AIFM3: variants seen among roughly 807,000 people sequenced by gnomAD.
AIFM3 encodes AIF family member 3.
In AIFM3, 71 loss-of-function variants were observed where a neutral mutation model predicts 82.7. The ratio of observed to expected loss-of-function variants is 0.86; its 90% CI spans 0.71 to 1.05. AIFM3 has a LOEUF of 1.05. AIFM3 is among the 50% of genes least tolerant of loss of function. The pLI, the probability that AIFM3 is intolerant of heterozygous loss-of-function variation, is 0.00. For missense variants in AIFM3, 748 were observed against 816.7 expected (o/e 0.92, Z 1.03); for synonymous variants, 337 against 329.1 (o/e 1.02, Z -0.26).
chr22:20,971,342 C>G (rs951840430), intron 2 of AIFM3, among the ~76,000 whole-genome samples: 2 of 152,242 alleles, frequency 1.3e-5, no homozygotes, highest in African/African-American at 2.4e-5. Context: ...CTGCATCCTC[C>G]CTGCTGGGCT....
intron 2 of AIFM3, among the ~76,000 whole-genome samples, chr22:20,970,832 G>A (rs926916980): frequency 2.6e-5 from 4 of 152,186 alleles, no homozygotes; most frequent in Admixed American, 2.6e-4. Context: ...TGAACTCCTG[G>A]ACTCAAGCGA....
Position 20,967,850 on chromosome 22 carries a change from GC to G in AIFM3, c.-93del. On this transcript the variant is annotated 5_prime_UTR_variant, in exon 2 of 21. An upstream open reading frame in the 5' UTR loses its in-frame stop. Coordinates refer to ENST00000440238, the MANE Select transcript of AIFM3 (RefSeq NM_001386814.1). ...GGATGGCGGCTCCAGCGTCTCTAAG[GC>G]CTGCAGGGGGTCCAGCCCCATGGGG... 7.2e-7 allele frequency: 1 copy of G among 1,392,126 alleles called. No individual in the cohort carries two copies. 86.2% of individuals were successfully genotyped at this position (1,392,126 alleles called of 1,614,324 possible). A position where few individuals can be genotyped will look rare whatever the true frequency, so the allele number is the denominator to read the frequency against.
chr22:20,976,407 G>T lies in AIFM3; in HGVS notation c.900-1G>T. On this transcript the variant is annotated splice_acceptor_variant, in intron 10 of 20. Transcript: ENST00000440238. LOFTEE classifies it high-confidence loss of function. ...CCCTCACTGACACGGCCATGTCTCAGCCCCAAGACTCTGAGCTGCAAAGGC... is the reference window on the plus strand; with the variant it reads ...CCCTCACTGACACGGCCATGTCTCATCCCCAAGACTCTGAGCTGCAAAGGC... 6.2e-7 allele frequency: 1 copy of T among 1,613,912 alleles called. No homozygotes were observed. Among genetic ancestry groups the T allele is most frequent in the Non-Finnish European group, 8.5e-7 (1 of 1,180,004 alleles).
At chr22:20,965,957 C>T (rs1297434726), upstream of AIFM3, among the ~76,000 whole-genome samples, 1 of 152,164 alleles carries the variant, frequency 6.6e-6, no homozygotes, top group Non-Finnish European at 1.5e-5. Context: ...GAATAGCACT[C>T]GGGCGCTCTG....
intron 16 of AIFM3, 35 bp from the exon 17 acceptor site, chr22:20,979,236 G>A: frequency 5.8e-6 from 9 of 1,549,548 alleles, no homozygotes; most frequent in Non-Finnish European, 7.9e-6. Context: ...TGGTAAGAGC[G>A]AGAGTTAGGG....
At chr22:20,976,071 A>G in intron 9 of AIFM3, 144 bp from the exon 10 acceptor site, 2 of 917,262 alleles carry the variant, frequency 2.2e-6, no homozygotes, top group Non-Finnish European at 3.3e-6. Flanking sequence ...AAGCGTAAAG[A>G]ATGAAGCCCA....
chr22:20,973,906 G>A, intron 4 of AIFM3, 39 bp downstream of exon 4: 1 of 1,491,978 alleles, frequency 6.7e-7, no homozygotes, highest in Non-Finnish European at 9.0e-7. Context: ...GGACCTTCCA[G>A]GCCCCATGCC....
At chr22:20,969,134 C>T (rs1266742118) in intron 2 of AIFM3, among the ~76,000 whole-genome samples, 1 of 152,200 alleles carries the variant, frequency 6.6e-6, no homozygotes. Flanking sequence ...GGCCTCATAC[C>T]AGGCGTCTGT....
rs772820611 is a variant in AIFM3 at position 20,979,399 on chromosome 22, G to A, written c.1576+30G>A. On this transcript the variant is annotated intron_variant, in intron 17 of 20. Coordinates refer to ENST00000440238, the MANE Select transcript of AIFM3 (RefSeq NM_001386814.1). ...CCCCGGGGCCTCGGATGGGGGCGGG[G>A]CCGAGGGCGTTTAGGGGCGGGGCTT... 16 of 1,539,276 alleles carry A rather than the reference G, an allele frequency of 1.0e-5. No individual in the cohort carries two copies. The African/African-American group carries it at 1.7e-4, about 16-fold the overall frequency.
rs929486749 is a variant in AIFM3, at chr22:20,973,471, G to T, written c.196G>T (p.Asp66Tyr). The change falls in exon 3 of 21, where the codon GAT becomes TAT. Residue 66 changes from aspartate (D) to tyrosine (Y), a missense_variant. This residue lies in a region of AIFM3 where 148 missense variants were observed against 134.1 expected (regional missense o/e 1.10). Coordinates refer to ENST00000440238, the MANE Select transcript of AIFM3 (RefSeq NM_001386814.1). ...CCCTCACCCCTACCCCAGCCCTCAGGATTGCGTGGAGGCTGCTGTCTGCCA... is the reference window on the plus strand; with the variant it reads ...CCCTCACCCCTACCCCAGCCCTCAGTATTGCGTGGAGGCTGCTGTCTGCCA... ...STPHPYPSPQ[D>Y]CVEAAVCHVK... 9.9e-6 allele frequency: 16 copies of T among 1,613,094 alleles called. No homozygotes were observed. The highest frequency in any genetic ancestry group is 1.4e-5 in the Non-Finnish European group (16 of 1,179,994).
rs1923713879 is a variant in AIFM3, at chr22:20,976,857, G to C, written c.1147-10G>C. On this transcript the variant is annotated splice_polypyrimidine_tract_variant and intron_variant, in intron 12 of 20. Transcript: ENST00000440238. ...TCATCCACCGCCCACCTGCCCACTT[G>C]CCCTGACAGATGTTTGAGAACAACC... The C allele has an allele frequency of 3.8e-6, 6 of 1,598,062 alleles. No individual in the cohort carries two copies. The highest frequency in any genetic ancestry group is 5.1e-6 in the Non-Finnish European group (6 of 1,170,568).
chr22:20,972,317 G>T (rs764846237), intron 2 of AIFM3, among the ~76,000 whole-genome samples: 10 of 151,440 alleles, frequency 6.6e-5, no homozygotes, highest in Admixed American at 3.3e-4. Context: ...CAGGAGAATC[G>T]CTTGAACCTG....
intron 18 of AIFM3, 108 bp downstream of exon 18, chr22:20,979,810 T>A: frequency 1.4e-6 from 2 of 1,409,104 alleles, no homozygotes; most frequent in South Asian, 2.5e-5. Context: ...TGAGCCCCGC[T>A]GAGGAGTGCT....
chr22:20,977,004 C>G (rs975977010), intron 13 of AIFM3, 28 bp from the exon 14 acceptor site: 2 of 1,614,072 alleles, frequency 1.2e-6, no homozygotes, highest in Non-Finnish European at 1.7e-6. Context: ...GAGCTGGGTC[C>G]ACCTGTTTAT....
chr22:20,975,593 TC>T, intron 8 of AIFM3, 98 bp from the exon 9 acceptor site: 1 of 1,182,540 alleles, frequency 8.5e-7, no homozygotes, highest in Non-Finnish European at 1.3e-6. Context: ...CTGAGTTCTG[TC>T]CTGCAGCCCC....
At chr22:20,969,539 C>G (rs1027183675) in intron 2 of AIFM3, among the ~76,000 whole-genome samples, 4 of 152,152 alleles carry the variant, frequency 2.6e-5, no homozygotes, top group Non-Finnish European at 5.9e-5. Flanking sequence ...ATGCCATTCT[C>G]CTGCCTCAGC....
intron 2 of AIFM3, among the ~76,000 whole-genome samples, chr22:20,968,297 A>C (rs2011016): frequency 5.3e-5 from 8 of 151,960 alleles, no homozygotes; most frequent in African/African-American, 1.9e-4. Flanking sequence ...CTATGCCCCC[A>C]GGGCCAGGGA....
In AIFM3 at chr22:20,979,634, A is replaced by T. The variant is rs1343498017; in HGVS notation, c.1584A>T (p.Gly528=). 1 of 1,614,166 alleles carries T rather than the reference A, an allele frequency of 6.2e-7. No individual in the cohort carries two copies. Among genetic ancestry groups the T allele is most frequent in the South Asian group, 1.1e-5 (1 of 91,076 alleles). ...CACCTGCCCGGCCCACAGGCTACGG[A>T]GAAGGCTTCGACGACGTCATCATCC... ...FGKSLRYAGY[G]EGFDDVIIQG... Residue 528 remains glycine, a synonymous_variant, in exon 18 of 21, where the codon GGA becomes GGT. Coordinates refer to ENST00000440238, the MANE Select transcript of AIFM3 (RefSeq NM_001386814.1).
At chr22:20,969,699 A>G (rs761399910) in intron 2 of AIFM3, among the ~76,000 whole-genome samples, 3 of 151,860 alleles carry the variant, frequency 2.0e-5, no homozygotes, top group Non-Finnish European at 4.4e-5. Flanking sequence ...AAGGAATATT[A>G]TTTGTTATCC....
Sources: gnomAD v4.1 joint callset for allele counts (sites outside exome capture counted in the v4.1 genomes callset) on GRCh38, gnomAD v4.1.1 for gene constraint, gnomAD v4.1.1 regional missense constraint, MANE v1.5 for transcripts, NCBI Gene and HGNC (gene_info 2026-07-23, HGNC 2026-07-21) for gene names.